The following MYO5B variants were observed in gnomAD, a reference collection of about 807,000 sequenced individuals.
MYO5B encodes myosin VB.
Under a neutral mutation model 229.3 loss-of-function variants are expected in MYO5B, and 143 were observed. That is an observed-to-expected ratio of 0.62 (90% CI 0.54 to 0.72). The LOEUF is 0.72. MYO5B is among the 30% of genes least tolerant of loss of function. The probability of loss-of-function intolerance (pLI) is 0.00; values close to 1 mark genes in which losing one functional copy is unlikely to be tolerated. For synonymous variants in MYO5B, 918 were observed against 885.2 expected (o/e 1.04, Z -0.66); for missense variants, 2,321 against 2,331.0 (o/e 1.00, Z 0.09).
At position 50,118,647 on chromosome 18, in the gene MYO5B, C is replaced by T. The variant is rs2032007344; in HGVS notation, c.28-63269G>A. 3.1e-5 allele frequency among the ~76,000 whole-genome samples: 4 copies of T among 129,814 alleles called. No individual in the cohort carries two copies. In the Admixed American group the frequency reaches 3.3e-4, roughly 11 times the overall value. The allele number at this position is 129,814 out of a possible 152,430, so 85.2% of individuals were successfully genotyped here. The stretch of plus-strand genomic sequence containing the variant: ...ATTTCTTTTTTTTTTTTTTTTGAGA[C>T]GGAGTCTCGCTTTGTCGCCCAGGCT... On this transcript the variant is annotated intron_variant, in intron 1 of 39. Coordinates refer to ENST00000285039, the MANE Select transcript of MYO5B (RefSeq NM_001080467.3).
intron 14 of MYO5B, among the ~76,000 whole-genome samples, chr18:49,942,362 T>A (rs1479136104): frequency 4.8e-5 from 4 of 84,004 alleles, no homozygotes; most frequent in Admixed American, 3.0e-4. Context: ...CTAATTAAAC[T>A]AAAGAGCTTC....
In MYO5B at chr18:49,838,703, G is replaced by A. The variant is rs144378238; in HGVS notation, c.4852+441C>T. On this transcript the variant is annotated intron_variant, in intron 36 of 39. Transcript: ENST00000285039. ...TTCTGATTTCATGTTCAGTGCCCAA[G>A]TACACTGCTTGGTTCAAAGCAAGTG... Among the ~76,000 whole-genome samples, 1,409 of 152,288 alleles carry A rather than the reference G, an allele frequency of 9.3e-3. 38 individuals are homozygous for A. The South Asian group carries it at 0.12, about 12-fold the overall frequency.
rs1410441535 is a variant in MYO5B at position 49,902,687 on chromosome 18, G to C, written c.2718C>G (p.Leu906=). ...GCTCTGCTGAGCGGGCCTCAATCCT[G>C]AGGGCCTTCAGCTCCCGCCTGGCCT... ...MLKARRELKA[L]RIEARSAEHL... is the part of the protein sequence containing the mutation. The change falls in exon 21 of 40, where the codon CTC becomes CTG. Residue 906 remains leucine (L), a synonymous_variant. Coordinates refer to ENST00000285039, the MANE Select transcript of MYO5B (RefSeq NM_001080467.3). The C allele has an allele frequency of 6.2e-7, 1 of 1,612,654 alleles. No homozygotes were observed. Among genetic ancestry groups the C allele is most frequent in the Non-Finnish European group, 8.5e-7 (1 of 1,180,040 alleles).
intron 19 of MYO5B, 68 bp from the exon 20 acceptor site, chr18:49,904,896 G>A: frequency 6.4e-7 from 1 of 1,572,540 alleles, no homozygotes; most frequent in African/African-American, 1.3e-5. Context: ...AGAGAACCCT[G>A]AGACATCTGC....
chr18:49,873,716 G>A (rs777252507), intron 26 of MYO5B, among the ~76,000 whole-genome samples: 14 of 152,218 alleles, frequency 9.2e-5, no homozygotes, highest in African/African-American at 2.7e-4. Flanking sequence ...GACTCAAGGG[G>A]CTCTATTAAG....
intron 36 of MYO5B, among the ~76,000 whole-genome samples, chr18:49,838,266 G>T (rs559779476): frequency 1.7e-3 from 254 of 152,268 alleles, no homozygotes; most frequent in African/African-American, 5.7e-3. Flanking sequence ...TTTTTATGAG[G>T]AAGTTGAGGT....
At position 49,906,485 on chromosome 18, in the gene MYO5B, T is replaced by C; in HGVS notation, c.2348A>G (p.Lys783Arg). 1.2e-6 allele frequency: 2 copies of C among 1,614,162 alleles called. No individual in the cohort carries two copies. Among genetic ancestry groups the C allele is most frequent in the South Asian group, 2.2e-5 (2 of 91,080 alleles). ...GGTAGCCCCCTTCAGCCTGTGATAT[T>C]TCACCTTCTGCAGCCATCCCCGGAC... Reference protein sequence around the residue: ...KTVRGWLQKVKYHRLKGATLT... With the variant: ...KTVRGWLQKVRYHRLKGATLT... Residue 783 changes from lysine (K) to arginine (R), a missense_variant, in exon 19 of 40, where the codon AAA becomes AGA. Lys to Arg is a conservative substitution (Grantham distance 26). Around this residue, in one of 2 missense-constraint regions of MYO5B, gnomAD observed 2,113 missense variants for 2,044.7 expected, o/e 1.03. Transcript: ENST00000285039.
intron 2 of MYO5B, among the ~76,000 whole-genome samples, chr18:50,050,717 G>A (rs193115821): frequency 5.9e-5 from 9 of 152,278 alleles, no homozygotes; most frequent in Admixed American, 5.9e-4. Context: ...TAAGACAACA[G>A]TGCCCAGCTG....
intron 1 of MYO5B, among the ~76,000 whole-genome samples, chr18:50,128,791 A>G (rs2032208391): frequency 6.6e-6 from 1 of 152,142 alleles, no homozygotes; most frequent in Non-Finnish European, 1.5e-5. Flanking sequence ...TGCGTACCAG[A>G]AGGAATGTGA....
intron 29 of MYO5B, among the ~76,000 whole-genome samples, chr18:49,857,369 G>T (rs1224518613): frequency 3.9e-5 from 6 of 152,208 alleles, no homozygotes; most frequent in African/African-American, 1.4e-4. Flanking sequence ...CAGTGAGCAG[G>T]CTCATGGTGG....
At chr18:49,935,614 C>A (rs1443955944) in intron 16 of MYO5B, among the ~76,000 whole-genome samples, 1 of 152,190 alleles carries the variant, frequency 6.6e-6, no homozygotes, top group Non-Finnish European at 1.5e-5. Flanking sequence ...AGTAGGCTTG[C>A]ACAAACACTT....
chr18:50,132,492 G>T (rs2032269528), intron 1 of MYO5B, among the ~76,000 whole-genome samples: 1 of 152,186 alleles, frequency 6.6e-6, no homozygotes, highest in Admixed American at 6.5e-5. Context: ...TAATAATGCT[G>T]ATATATAACA....
chr18:50,162,932 C>T (rs2032791435), intron 1 of MYO5B, among the ~76,000 whole-genome samples: 1 of 152,250 alleles, frequency 6.6e-6, no homozygotes, highest in Admixed American at 6.5e-5. Flanking sequence ...CGGAGCCACA[C>T]CTATCAGCTA....
intron 4 of MYO5B, among the ~76,000 whole-genome samples, chr18:50,019,042 T>C (rs749696015): frequency 1.2e-4 from 19 of 152,142 alleles, no homozygotes; most frequent in African/African-American, 4.3e-4. Context: ...GAAACCATGT[T>C]ACACTCCAGA....
rs566021600 is a variant in MYO5B at position 49,902,795 on chromosome 18, G to T, written c.2610C>A (p.His870Gln). 2.5e-6 allele frequency: 4 copies of T among 1,602,498 alleles called. No homozygotes were observed. The East Asian group carries it at 8.9e-5, about 36-fold the overall frequency. The change falls in exon 21 of 40, where the codon CAC (histidine) becomes CAA (glutamine). Residue 870 changes from histidine to glutamine, a missense_variant. Physicochemically the swap from His to Gln is conservative, Grantham distance 24. This residue lies in a region of MYO5B where 2,113 missense variants were observed against 2,044.7 expected (regional missense o/e 1.03). Coordinates refer to ENST00000285039, the MANE Select transcript of MYO5B (RefSeq NM_001080467.3). The stretch of plus-strand genomic sequence containing the variant: ...GCCTGCGTGCCATCCAGCCCCGCAC[G>T]TGCTTCTGGATGGTGGTGGCCTTGT... ...MEHKATTIQK[H>Q]VRGWMARRHF...
At chr18:49,940,560 C>G (rs1418788646) in intron 14 of MYO5B, among the ~76,000 whole-genome samples, 1 of 152,202 alleles carries the variant, frequency 6.6e-6, no homozygotes, top group African/African-American at 2.4e-5. Flanking sequence ...ATAAGACCAT[C>G]AGCAACTACC....
intron 9 of MYO5B, among the ~76,000 whole-genome samples, chr18:49,977,591 T>C (rs1403608745): frequency 6.6e-6 from 1 of 151,970 alleles, no homozygotes; most frequent in Non-Finnish European, 1.5e-5. Context: ...GAGGGCAGTC[T>C]CCTCCCCAAG....
At chr18:49,883,323 C>T (rs934477880) in intron 22 of MYO5B, among the ~76,000 whole-genome samples, 1 of 151,222 alleles carries the variant, frequency 6.6e-6, no homozygotes, top group South Asian at 2.1e-4. Flanking sequence ...TTTCAATATA[C>T]AAAACTCAAT....
intron 10 of MYO5B, among the ~76,000 whole-genome samples, chr18:49,963,927 G>A (rs2025592187): frequency 6.6e-6 from 1 of 152,114 alleles, no homozygotes; most frequent in African/African-American, 2.4e-5. Context: ...AGCCCCAGAG[G>A]GGTGTGTTCC....
Sources: allele counts gnomAD v4.1 joint callset (sites outside exome capture counted in the v4.1 genomes callset), GRCh38; gene constraint gnomAD v4.1.1; regional missense constraint gnomAD v4.1.1; transcripts MANE v1.5; gene names NCBI Gene and HGNC (gene_info 2026-07-23, HGNC 2026-07-21).